CDH26: variants seen among roughly 807,000 people sequenced by gnomAD.
CDH26 encodes cadherin 26, also known as cadherin-like protein 26.
CDH26 carries 83 observed loss-of-function variants against 90.3 expected under a neutral mutation model. The observed-to-expected ratio is 0.92, with a 90% CI of 0.77 to 1.10. The LOEUF (loss-of-function observed/expected upper bound fraction) is 1.10, where lower values mean the gene tolerates loss of function less well. CDH26 is among the 50% of genes least tolerant of loss of function. CDH26 has a pLI of 0.00. For missense variants in CDH26, 1,013 were observed against 1,037.6 expected, an observed-to-expected ratio of 0.98 and a Z score of 0.33; for synonymous variants, 397 against 396.3, an observed-to-expected ratio of 1.00 and a Z score of -0.02.
chr20:59,984,647 A>G lies in CDH26; in HGVS notation c.550A>G (p.Ile184Val). ...TTAAAAATTCTTTCTAGGGCAACCTATTTTTCAGATGTTAGCAGTCGATTT... is the reference window on the plus strand; with the variant it reads ...TTAAAAATTCTTTCTAGGGCAACCTGTTTTTCAGATGTTAGCAGTCGATTT... ...VQENQSAGQPIFQMLAVDLDE... is the reference protein window; with the variant it reads ...VQENQSAGQPVFQMLAVDLDE... The change falls in exon 6 of 18, where the codon ATT becomes GTT. Residue 184 changes from isoleucine (I) to valine (V), a missense_variant. Coordinates refer to ENST00000348616, the MANE Select transcript of CDH26 (RefSeq NM_177980.4). 4.4e-6 allele frequency: 7 copies of G among 1,607,754 alleles called. No individual in the cohort carries two copies. The highest frequency in any genetic ancestry group is 1.7e-4 in the Middle Eastern group (1 of 6,020).
rs537774046 is a variant in CDH26 at position 60,012,804 on chromosome 20, C to T, written c.*74C>T. On this transcript the variant is annotated 3_prime_UTR_variant, in exon 18 of 18. Transcript: ENST00000348616. Reference sequence around the variant, plus strand: ...ACTATTCAGGGATTTTTCCCCTTTGCTCTTCTTTTCCCTCCTTAAAAGAAA... The same window carrying T: ...ACTATTCAGGGATTTTTCCCCTTTGTTCTTCTTTTCCCTCCTTAAAAGAAA... 2.7e-5 allele frequency: 38 copies of T among 1,428,684 alleles called. 1 individual carries two copies. In the Admixed American group the frequency reaches 5.9e-4, roughly 22 times the overall value. The allele number at this position is 1,428,684 out of a possible 1,614,324, so 88.5% of individuals were successfully genotyped here.
At chr20:59,983,656 A>G (rs1181074164) in intron 5 of CDH26, among the ~76,000 whole-genome samples, 2 of 152,252 alleles carry the variant, frequency 1.3e-5, no homozygotes, top group Non-Finnish European at 2.9e-5. Flanking sequence ...GTGTATACAC[A>G]TGCTGTGTGT....
intron 7 of CDH26, among the ~76,000 whole-genome samples, chr20:60,024,653 G>C (rs1279662524): frequency 6.6e-6 from 1 of 152,212 alleles, no homozygotes; most frequent in Admixed American, 6.5e-5. Flanking sequence ...TTGGGGGCAA[G>C]AGATGAGCAT....
chr20:60,027,116 G>A (rs2062003971), intron 7 of CDH26, among the ~76,000 whole-genome samples: 1 of 152,074 alleles, frequency 6.6e-6, no homozygotes, highest in South Asian at 2.1e-4. Flanking sequence ...AGCTCTCTGG[G>A]GACAGGGTTA....
intron 1 of CDH26, among the ~76,000 whole-genome samples, chr20:59,963,512 A>G (rs1468821293): frequency 6.6e-6 from 1 of 152,152 alleles, no homozygotes; most frequent in Admixed American, 6.5e-5. Flanking sequence ...CACATGCTTA[A>G]CCAATACTTT....
chr20:59,958,578 T>C lies in CDH26; in HGVS notation c.-149T>C, dbSNP rs899598038. On this transcript the variant is annotated 5_prime_UTR_variant, in exon 1 of 18. An upstream start codon of the reference 5' UTR is lost. Transcript: ENST00000348616. ...AAAAGCTGAAAAGGGAGGAGCAAGA[T>C]GGGATGAAAGCATCTGGGCCAAAGT... 7.1e-6 allele frequency: 5 copies of C among 707,172 alleles called. No individual in the cohort carries two copies. The highest frequency in any genetic ancestry group is 2.2e-5 in the Admixed American group (1 of 44,804). The allele number at this position is 707,172 out of a possible 1,614,324, so 43.8% of individuals were successfully genotyped here.
At chr20:59,961,866 A>C (rs965541049) in intron 1 of CDH26, among the ~76,000 whole-genome samples, 11 of 152,218 alleles carry the variant, frequency 7.2e-5, no homozygotes, top group African/African-American at 2.7e-4. Flanking sequence ...CAGGCTTCAA[A>C]GACCAGAGAA....
rs137911492 is a variant in CDH26 at position 59,999,612 on chromosome 20, G to A, written c.2046G>A (p.Arg682=). ...CATGGTCAGATGTTGAAGGCCAGAG[G>A]CCGGCTCTGCTCATCTGCACAGCTG... ...AQTWSDVEGQ[R]PALLICTAAA... is the part of the protein sequence containing the mutation. The change falls in exon 14 of 18, where the codon AGG becomes AGA. Residue 682 remains arginine (R), a synonymous_variant. Coordinates refer to ENST00000348616, the MANE Select transcript of CDH26 (RefSeq NM_177980.4). 1.0e-3 allele frequency: 1,664 copies of A among 1,614,126 alleles called. 2 individuals are homozygous for A. Among genetic ancestry groups the A allele is most frequent in the Non-Finnish European group, 1.4e-3 (1,602 of 1,180,000 alleles).
At chr20:59,997,477 C>A (rs969820605) in intron 13 of CDH26, among the ~76,000 whole-genome samples, 2 of 152,272 alleles carry the variant, frequency 1.3e-5, no homozygotes, top group African/African-American at 4.8e-5. Flanking sequence ...AGGCACCTAA[C>A]ACAAGGCAGA....
intron 7 of CDH26, 83 bp from the exon 8 acceptor site, chr20:59,987,370 C>G: frequency 1.4e-5 from 15 of 1,064,038 alleles, no homozygotes; most frequent in Non-Finnish European, 1.9e-5. Context: ...TCTCTCTCTG[C>G]TTCTCTCCCT....
chr20:60,010,982 A>G (rs116329664), intron 17 of CDH26, among the ~76,000 whole-genome samples: 230 of 152,246 alleles, frequency 1.5e-3, no homozygotes, highest in African/African-American at 5.3e-3. Flanking sequence ...TGACATCCCT[A>G]TTTCATCAGT....
In CDH26 at chr20:59,985,083, A is replaced by G. The variant is rs1376193506; in HGVS notation, c.791A>G (p.Asp264Gly). The change falls in exon 7 of 18, where the codon GAT becomes GGT. Residue 264 changes from aspartate (D) to glycine (G), a missense_variant. Transcript: ENST00000348616. The stretch of plus-strand genomic sequence containing the variant: ...TCATCCACGACCACCGTTCACGTGG[A>G]TGTGCAAGAAGGCAACAACCACAGG... ...SLSSTTTVHV[D>G]VQEGNNHRPA... The G allele has an allele frequency of 1.2e-6, 2 of 1,614,034 alleles. No homozygotes were observed. The highest frequency in any genetic ancestry group is 1.7e-6 in the Non-Finnish European group (2 of 1,179,996).
rs194991 is a variant in CDH26 at position 59,987,652 on chromosome 20, G to A, written c.1023+14G>A. On this transcript the variant is annotated intron_variant, in intron 8 of 17. Transcript: ENST00000348616. ...AATGTTATCAAGGTAACACCATACCGGTGACATACCAACCAGTTAGTGGCA... is the reference window on the plus strand; with the variant it reads ...AATGTTATCAAGGTAACACCATACCAGTGACATACCAACCAGTTAGTGGCA... The A allele has an allele frequency of 0.028, 43,862 of 1,590,330 alleles. 3,254 individuals carry two copies. In the African/African-American group the frequency reaches 0.28, roughly 10 times the overall value.
At chr20:60,000,124 A>G (rs546263133) in intron 14 of CDH26, among the ~76,000 whole-genome samples, 164 of 152,338 alleles carry the variant, frequency 1.1e-3, no homozygotes, top group Middle Eastern at 3.4e-3. Flanking sequence ...GTAGGGCACA[A>G]TGACTGGGTG....
intron 4 of CDH26, among the ~76,000 whole-genome samples, chr20:59,982,205 A>G (rs1159618001): frequency 2.0e-5 from 3 of 152,134 alleles, no homozygotes; most frequent in Non-Finnish European, 4.4e-5. Flanking sequence ...GATCATTTCA[A>G]AGAATCGCTT....
At chr20:60,019,841 G>A (rs970053284) in intron 7 of CDH26, among the ~76,000 whole-genome samples, 1 of 152,230 alleles carries the variant, frequency 6.6e-6, no homozygotes, top group South Asian at 2.1e-4. Context: ...TAATTTTATG[G>A]AGTAGGTTTC....
chr20:59,964,035 G>A (rs1170814858), intron 1 of CDH26, among the ~76,000 whole-genome samples: 1 of 152,174 alleles, frequency 6.6e-6, no homozygotes, highest in Non-Finnish European at 1.5e-5. Flanking sequence ...ACTTGTCACT[G>A]AATCTGGAAC....
At chr20:59,999,224 A>C (rs1387337088) in intron 13 of CDH26, among the ~76,000 whole-genome samples, 2 of 152,156 alleles carry the variant, frequency 1.3e-5, no homozygotes, top group Non-Finnish European at 2.9e-5. Context: ...GGGACAATGC[A>C]CAGAATACCA....
intron 15 of CDH26, 102 bp downstream of exon 15, chr20:60,001,513 AG>A: frequency 6.7e-7 from 1 of 1,499,362 alleles, no homozygotes; most frequent in Non-Finnish European, 8.9e-7. Flanking sequence ...TGATACTGTC[AG>A]AAAAAGGCAC....
Sources: allele counts gnomAD v4.1 joint callset (sites outside exome capture counted in the v4.1 genomes callset), GRCh38; gene constraint gnomAD v4.1.1; transcripts MANE v1.5; gene names NCBI Gene and HGNC (gene_info 2026-07-23, HGNC 2026-07-21).